Variants in SERPINB12 observed in about 807,000 individuals in gnomAD.
SERPINB12 encodes serpin B12.
In SERPINB12, 57 loss-of-function variants were observed where a neutral mutation model predicts 41.1. That is an observed-to-expected ratio of 1.39 (90% CI 1.12 to 1.73). The LOEUF is 1.73. Ranked by LOEUF, SERPINB12 falls within the 40% of genes most tolerant of loss-of-function variation. The pLI is 0.00. For synonymous variants in SERPINB12, 180 were observed against 181.3 expected, an observed-to-expected ratio of 0.99 and a Z score of 0.06; for missense variants, 536 against 501.9, an observed-to-expected ratio of 1.07 and a Z score of -0.65.
At chr18:63,532,802 A>G in the SERPINB12 span, among the ~76,000 whole-genome samples, 1 of 152,146 alleles carries the variant, frequency 6.6e-6, no homozygotes, top group Non-Finnish European at 1.5e-5. Flanking sequence ...CTAGTTGAAA[A>G]GTAAGGAAAA....
intron 1 of SERPINB12, among the ~76,000 whole-genome samples, chr18:63,546,197 T>A (rs974022198): frequency 4.6e-5 from 7 of 152,196 alleles, no homozygotes; most frequent in African/African-American, 1.7e-4. Flanking sequence ...AAGGGCTCAG[T>A]AGGAGAACCA....
At chr18:63,549,084 T>C (rs1910458171) in intron 1 of SERPINB12, among the ~76,000 whole-genome samples, 1 of 152,128 alleles carries the variant, frequency 6.6e-6, no homozygotes, top group African/African-American at 2.4e-5. Flanking sequence ...TATAAGGCCA[T>C]TAAAAGAACA....
At chr18:63,524,706 A>T in the SERPINB12 span, among the ~76,000 whole-genome samples, 1 of 146,708 alleles carries the variant, frequency 6.8e-6, no homozygotes, top group Non-Finnish European at 1.5e-5. Flanking sequence ...TTTACCAGTC[A>T]TTTTATTTTA....
chr18:63,543,753 C>T (rs1403197340), intron 1 of SERPINB12, among the ~76,000 whole-genome samples: 2 of 151,818 alleles, frequency 1.3e-5, no homozygotes, highest in African/African-American at 4.8e-5. Context: ...TGTAGCTGGG[C>T]TTACAGGCGT....
chr18:63,561,387 T>G (rs184524076), intron 5 of SERPINB12, among the ~76,000 whole-genome samples, 185 bp downstream of exon 5: 116 of 152,226 alleles, frequency 7.6e-4, no homozygotes, highest in African/African-American at 2.7e-3. Flanking sequence ...TATTAAAAAG[T>G]TAAAAAACGA....
intron 6 of SERPINB12, among the ~76,000 whole-genome samples, chr18:63,564,644 G>T (rs1911031925): frequency 6.6e-6 from 1 of 152,188 alleles, no homozygotes; most frequent in South Asian, 2.1e-4. Flanking sequence ...TAAGGTGCCT[G>T]GGGTTGTGCT....
chr18:63,561,035 A>C, intron 4 of SERPINB12, 50 bp from the exon 5 acceptor site: 1 of 1,213,432 alleles, frequency 8.2e-7, no homozygotes, highest in Non-Finnish European at 1.2e-6. Context: ...AACTACGAGC[A>C]TCACTGCCTG....
intron 1 of SERPINB12, among the ~76,000 whole-genome samples, chr18:63,553,485 G>T (rs1042466171): frequency 6.6e-6 from 1 of 152,138 alleles, no homozygotes; most frequent in Non-Finnish European, 1.5e-5. Flanking sequence ...GGCAGAAGGG[G>T]TGAAGCCAAG....
intron 5 of SERPINB12, among the ~76,000 whole-genome samples, chr18:63,561,556 T>TA (rs749229548): frequency 6.6e-6 from 1 of 152,088 alleles, no homozygotes; most frequent in Non-Finnish European, 1.5e-5. Flanking sequence ...TCCAAAGAAA[T>TA]AGAGATCATT....
At chr18:63,528,787 A>C in the SERPINB12 span, among the ~76,000 whole-genome samples, 1 of 152,182 alleles carries the variant, frequency 6.6e-6, no homozygotes, top group African/African-American at 2.4e-5. Context: ...GTACTCTCCA[A>C]AAGGACACTT....
chr18:63,564,998 C>T (rs1911045103), intron 6 of SERPINB12, among the ~76,000 whole-genome samples: 1 of 152,022 alleles, frequency 6.6e-6, no homozygotes, highest in Admixed American at 6.5e-5. Flanking sequence ...CTAGCCTGGG[C>T]AACACAGGGA....
At chr18:63,560,856 T>C (rs1440438719) in intron 4 of SERPINB12, among the ~76,000 whole-genome samples, 1 of 152,212 alleles carries the variant, frequency 6.6e-6, no homozygotes, top group African/African-American at 2.4e-5. Flanking sequence ...GTTGTAACTA[T>C]AGACTGTTCA....
the SERPINB12 span, among the ~76,000 whole-genome samples, chr18:63,532,340 T>G: frequency 2.0e-5 from 3 of 152,196 alleles, no homozygotes; most frequent in African/African-American, 7.2e-5. Flanking sequence ...CAGGGACATC[T>G]AGAGAAGGCC....
the SERPINB12 span, among the ~76,000 whole-genome samples, chr18:63,536,271 T>C: frequency 6.6e-6 from 1 of 151,802 alleles, no homozygotes; most frequent in East Asian, 1.9e-4. Context: ...TATTTAAATG[T>C]CAAATGACAA....
intron 1 of SERPINB12, among the ~76,000 whole-genome samples, chr18:63,545,024 C>T (rs537029899): frequency 2.0e-5 from 3 of 152,180 alleles, no homozygotes; most frequent in African/African-American, 7.2e-5. Context: ...CATAAACTGG[C>T]AAAGACTTTG....
In SERPINB12 at chr18:63,568,765, C is replaced by T. The variant is rs141575974; in HGVS notation, c.*1754C>T. Among the ~76,000 whole-genome samples the T allele has an allele frequency of 3.0e-4, 45 of 152,324 alleles. No individual in the cohort carries two copies. Among genetic ancestry groups the T allele is most frequent in the African/African-American group, 9.9e-4 (41 of 41,562 alleles). ...GAAGGCAGGTGAACCACACCTGCTC[C>T]CATGCTAGCCTCCTCTTCCTTTTCT... On this transcript the variant is annotated 3_prime_UTR_variant, in exon 8 of 8. Transcript: ENST00000382768.
chr18:63,556,197 T>G lies in SERPINB12; in HGVS notation c.38T>G (p.Phe13Cys), dbSNP rs1413363854. The G allele has an allele frequency of 4.6e-5, 74 of 1,613,944 alleles. No individual in the cohort carries two copies. Among genetic ancestry groups the G allele is most frequent in the Non-Finnish European group, 6.0e-5 (71 of 1,179,952 alleles). The change falls in exon 2 of 8, where the codon TTT (phenylalanine) becomes TGT (cysteine). Residue 13 changes from phenylalanine (F) to cysteine (C), a missense_variant. Coordinates refer to ENST00000382768, the MANE Select transcript of SERPINB12 (RefSeq NM_001307928.2). ...SLVTANTKFC[F>C]DLFQEIGKDD... ...GTTACAGCAAACACCAAATTTTGCT[T>G]TGATCTTTTTCAAGAGATAGGCAAA... is the stretch of plus-strand genomic sequence containing the variant.
chr18:63,526,730 T>C, the SERPINB12 span, among the ~76,000 whole-genome samples: 14 of 152,294 alleles, frequency 9.2e-5, no homozygotes, highest in Middle Eastern at 3.4e-3. Context: ...CAATTTTAAG[T>C]GAGTTGAGAG....
intron 6 of SERPINB12, 144 bp from the exon 7 acceptor site, chr18:63,565,301 T>C (rs1182137373): frequency 2.9e-6 from 2 of 688,670 alleles, no homozygotes; most frequent in African/African-American, 1.8e-5. Context: ...TAGACTCTTG[T>C]AGGCTGGATC....
Sources: gnomAD v4.1 joint callset for allele counts (sites outside exome capture counted in the v4.1 genomes callset) on GRCh38, gnomAD v4.1.1 for gene constraint, MANE v1.5 for transcripts, NCBI Gene and HGNC (gene_info 2026-07-23, HGNC 2026-07-21) for gene names.